The following AGPAT2 variants were observed in gnomAD, a reference collection of about 807,000 sequenced individuals.
AGPAT2 encodes 1-acyl-sn-glycerol-3-phosphate acyltransferase beta.
A neutral mutation model predicts 26.1 loss-of-function variants in AGPAT2; 18 were observed. That is an observed-to-expected ratio of 0.69 (90% confidence interval 0.48 to 1.02). The LOEUF is 1.02. Ranked by LOEUF, AGPAT2 falls within the 50% of genes least tolerant of loss-of-function variation. The pLI is 0.00. For missense variants in AGPAT2, 415 were observed against 394.9 expected (o/e 1.05, Z -0.43); for synonymous variants, 200 against 174.2 (o/e 1.15, Z -1.16).
chr9:136,687,280 G>T lies in AGPAT2; in HGVS notation c.78C>A (p.Phe26Leu). ...LLVQLSRAAEFYAKVALYCAL... is the reference protein window; with the variant it reads ...LLVQLSRAAELYAKVALYCAL... Reference sequence around the variant, plus strand: ...CGCAGTACAGGGCGACCTTGGCGTAGAACTCGGCCGCGCGGCTCAGCTGCA... The same window carrying T: ...CGCAGTACAGGGCGACCTTGGCGTATAACTCGGCCGCGCGGCTCAGCTGCA... Residue 26 changes from phenylalanine to leucine, a missense_variant, in exon 1 of 6, where the codon TTC becomes TTA. Phe to Leu is a conservative substitution (Grantham distance 22). Transcript: ENST00000371696. 1 of 1,586,126 alleles carries T rather than the reference G, an allele frequency of 6.3e-7. No homozygotes were observed. Among genetic ancestry groups the T allele is most frequent in the Non-Finnish European group, 8.5e-7 (1 of 1,170,608 alleles).
At chr9:136,683,076 G>A (rs1344083057) in intron 1 of AGPAT2, among the ~76,000 whole-genome samples, 1 of 139,794 alleles carries the variant, frequency 7.2e-6, no homozygotes, top group Non-Finnish European at 1.6e-5. Flanking sequence ...GTGGGGGGGA[G>A]GGGGGGAAGA....
In AGPAT2 at chr9:136,676,616, T is replaced by G. The variant is rs1564290861; in HGVS notation, c.557A>C (p.Lys186Thr). ...CTGGACTGCCAGGTAGAAGGCGCCC[T>G]TCTTAAAAGGCAGCAGGTCCCCATT... ...NDNGDLLPFK[K>T]GAFYLAVQAQ... is the part of the protein sequence containing the mutation. The change falls in exon 4 of 6, where the codon AAG becomes ACG. Residue 186 changes from lysine to threonine, a missense_variant. Physicochemically the swap from Lys to Thr is moderately conservative, Grantham distance 78 (BLOSUM62 -1). Transcript: ENST00000371696. 6.2e-7 allele frequency: 1 copy of G among 1,613,434 alleles called. No homozygotes were observed. The highest frequency in any genetic ancestry group is 1.6e-4 in the Middle Eastern group (1 of 6,062).
intron 1 of AGPAT2, 81 bp from the exon 2 acceptor site, chr9:136,677,637 T>G: frequency 3.3e-6 from 5 of 1,522,254 alleles, no homozygotes; most frequent in Non-Finnish European, 3.6e-6. Context: ...GGGTGGGGTG[T>G]GGAGGAGGCT....
In AGPAT2 at chr9:136,686,877, G is replaced by A. The variant is rs916513982; in HGVS notation, c.182+299C>T. 6.6e-5 allele frequency among the ~76,000 whole-genome samples: 10 copies of A among 152,248 alleles called. No individual in the cohort carries two copies. In the South Asian group the frequency reaches 1.0e-3, roughly 16 times the overall value. On this transcript the variant is annotated intron_variant, in intron 1 of 5. Coordinates refer to ENST00000371696, the MANE Select transcript of AGPAT2 (RefSeq NM_006412.4). ...TCTCTCCGAAAGCTGCTCCACCCCC[G>A]GAACCCCACGCCGGGCTGCAGGGAC... is the stretch of plus-strand genomic sequence containing the variant.
rs576185386 is a variant in AGPAT2 at position 136,676,645 on chromosome 9, G to A, written c.528C>T (p.Asn176=). ...KVWIYPEGTR[N]DNGDLLPFKK... is the part of the protein sequence containing the mutation. ...TAAAAGGCAGCAGGTCCCCATTGTC[G>A]TTGCGAGTACCCTCGGGATAGATCC... Residue 176 remains asparagine (N), a synonymous_variant, in exon 4 of 6, where the codon AAC becomes AAT. Coordinates refer to ENST00000371696, the MANE Select transcript of AGPAT2 (RefSeq NM_006412.4). 24 of 1,613,546 alleles carry A rather than the reference G, an allele frequency of 1.5e-5. No individual in the cohort carries two copies. The highest frequency in any genetic ancestry group is 9.9e-5 in the South Asian group (9 of 91,074).
Position 136,673,718 on chromosome 9 carries a change from G to T in AGPAT2, c.*34C>A. On this transcript the variant is annotated 3_prime_UTR_variant, in exon 6 of 6. Coordinates refer to ENST00000371696, the MANE Select transcript of AGPAT2 (RefSeq NM_006412.4). ...ATCCTCCAGCCATCGGCTTCCACCT[G>T]CCCTCCCCAGGTCATGCCCTGCCGT... The T allele has an allele frequency of 6.5e-7, 1 of 1,526,934 alleles. No individual in the cohort carries two copies. 94.6% of individuals were successfully genotyped at this position (1,526,934 alleles called of 1,614,324 possible).
chr9:136,677,761 C>T (rs575627211), intron 1 of AGPAT2, among the ~76,000 whole-genome samples: 265 of 152,288 alleles, frequency 1.7e-3, no homozygotes, highest in African/African-American at 6.0e-3. Context: ...GCCCTGCCTC[C>T]GTCTCCCCAG....
chr9:136,686,279 G>C (rs1588269583), intron 1 of AGPAT2, among the ~76,000 whole-genome samples: 1 of 152,228 alleles, frequency 6.6e-6, no homozygotes, highest in African/African-American at 2.4e-5. Flanking sequence ...CCCACCCCAG[G>C]CCATTGCAAA....
At chr9:136,678,310 G>A (rs1846118976) in intron 1 of AGPAT2, among the ~76,000 whole-genome samples, 1 of 152,174 alleles carries the variant, frequency 6.6e-6, no homozygotes, top group Non-Finnish European at 1.5e-5. Flanking sequence ...CTGCAAATGT[G>A]AGGTGGCCTT....
intron 4 of AGPAT2, among the ~76,000 whole-genome samples, chr9:136,675,388 G>C (rs36077462): frequency 0.26 from 7,436 of 28,538 alleles, 1,890 homozygotes; most frequent in East Asian, 0.38. Flanking sequence ...TGGGGACTGG[G>C]AGCAGGGAGG....
Position 136,673,767 on chromosome 9 carries a change from C to A in AGPAT2, c.822G>T (p.Val274=). Residue 274 remains valine, a synonymous_variant, in exon 6 of 6, where the codon GTG becomes GTT. Transcript: ENST00000371696. ...GTGGTCTGGGCTACTGGGCCGGCTGCACGCCAGACCCCGCAGTGGCCCCGT... is the reference window on the plus strand; with the variant it reads ...GTGGTCTGGGCTACTGGGCCGGCTGAACGCCAGACCCCGCAGTGGCCCCGT... ...QENGATAGSG[V]QPAQ 1 of 1,597,762 alleles carries A rather than the reference C, an allele frequency of 6.3e-7. No individual in the cohort carries two copies. The highest frequency in any genetic ancestry group is 2.3e-5 in the East Asian group (1 of 44,292).
In AGPAT2 at chr9:136,674,241, G is replaced by A. The variant is rs552812170; in HGVS notation, c.662-314C>T. On this transcript the variant is annotated intron_variant, in intron 5 of 5. Coordinates refer to ENST00000371696, the MANE Select transcript of AGPAT2 (RefSeq NM_006412.4). ...CTGGCCTCTGCCCTCCATACGGGGCGAGGGGCTGTGGGAGAGATGGAGCTG... is the reference window on the plus strand; with the variant it reads ...CTGGCCTCTGCCCTCCATACGGGGCAAGGGGCTGTGGGAGAGATGGAGCTG... 4.6e-5 allele frequency among the ~76,000 whole-genome samples: 7 copies of A among 152,336 alleles called. No homozygotes were observed. In the East Asian group the frequency reaches 5.8e-4, roughly 13 times the overall value.
At position 136,687,392 on chromosome 9, in the gene AGPAT2, G is replaced by T; in HGVS notation, c.-35C>A. 9 of 1,383,724 alleles carry T rather than the reference G, an allele frequency of 6.5e-6. No homozygotes were observed. The highest frequency in any genetic ancestry group is 7.5e-6 in the Non-Finnish European group (8 of 1,070,894). The allele number at this position is 1,383,724 out of a possible 1,614,324, so 85.7% of individuals were successfully genotyped here. ...CGGCGCCCGACGGCGCCGCCAGCTC[G>T]CTCCCGCTCCCGCTCCCGCTTCTCC... On this transcript the variant is annotated 5_prime_UTR_variant, in exon 1 of 6. Transcript: ENST00000371696.
Position 136,673,867 on chromosome 9 carries a change from AC to A in AGPAT2, c.721del (p.Val241SerfsTer12), listed in dbSNP as rs1265976234. 6.2e-7 allele frequency: 1 copy of A among 1,604,350 alleles called. No individual in the cohort carries two copies. The highest frequency in any genetic ancestry group is 8.5e-7 in the Non-Finnish European group (1 of 1,177,150). ...IPTSGLTAAD[V>X]PALVDTCHRA... ...GTGGCAGGTGTCCACGAGCGCAGGGACGTCCGCCGCAGTGAGGCCGCTGGTG... is the reference window on the plus strand; with the variant it reads ...GTGGCAGGTGTCCACGAGCGCAGGGAGTCCGCCGCAGTGAGGCCGCTGGTG... On this transcript the variant is annotated frameshift_variant, in exon 6 of 6. Coordinates refer to ENST00000371696, the MANE Select transcript of AGPAT2 (RefSeq NM_006412.4). LOFTEE classifies it low-confidence loss of function (END_TRUNC).
Position 136,686,673 on chromosome 9 carries a change from CACAGGTGCGCCCATCACCGGGCGG to C in AGPAT2, c.182+479_182+502del, listed in dbSNP as rs1299732491. Among the ~76,000 whole-genome samples the C allele has an allele frequency of 2.6e-5, 4 of 152,236 alleles. No individual in the cohort carries two copies. In the East Asian group the frequency reaches 7.7e-4, roughly 29 times the overall value. ...AAGGGAGAGAAAGGGGAACCCGCCC[CACAGGTGCGCCCATCACCGGGCGG>C]ACAGTCAGGAGGGGGTCGGAGGGAG... On this transcript the variant is annotated intron_variant, in intron 1 of 5. Coordinates refer to ENST00000371696, the MANE Select transcript of AGPAT2 (RefSeq NM_006412.4).
intron 5 of AGPAT2, among the ~76,000 whole-genome samples, chr9:136,674,420 A>G (rs1349684016): frequency 6.6e-6 from 1 of 152,242 alleles, no homozygotes; most frequent in African/African-American, 2.4e-5. Context: ...TGCGGGCATC[A>G]GCCTGGACAC....
intron 4 of AGPAT2, 61 bp from the exon 5 acceptor site, chr9:136,674,868 C>CACA: frequency 7.7e-7 from 1 of 1,290,638 alleles, no homozygotes; most frequent in Non-Finnish European, 1.0e-6. Flanking sequence ...ACACCCCAGG[C>CACA]TGCATGTGGT....
At chr9:136,678,844 T>C (rs1289915331) in intron 1 of AGPAT2, among the ~76,000 whole-genome samples, 1 of 147,524 alleles carries the variant, frequency 6.8e-6, no homozygotes, top group African/African-American at 2.5e-5. Context: ...CACTCCAGCC[T>C]CCACCTCCTG....
chr9:136,679,667 C>T (rs555643462), intron 1 of AGPAT2, among the ~76,000 whole-genome samples: 1 of 152,370 alleles, frequency 6.6e-6, no homozygotes, highest in East Asian at 1.9e-4. Context: ...CTGTCTGGTG[C>T]TAGCAAGACG....
Sources: allele counts gnomAD v4.1 joint callset (sites outside exome capture counted in the v4.1 genomes callset), GRCh38; gene constraint gnomAD v4.1.1; transcripts MANE v1.5; gene names NCBI Gene and HGNC (gene_info 2026-07-23, HGNC 2026-07-21).